The following ALDH9A1 variants were observed in gnomAD, a reference collection of about 807,000 sequenced individuals.
ALDH9A1 encodes the protein aldehyde dehydrogenase 9 family member A1.
A neutral mutation model predicts 56.6 loss-of-function variants in ALDH9A1; 42 were observed. The ratio of observed to expected loss-of-function variants is 0.74; its 90% CI spans 0.58 to 0.96. The LOEUF (loss-of-function observed/expected upper bound fraction) is 0.96, where lower values mean the gene tolerates loss of function less well. Ranked by LOEUF, ALDH9A1 falls within the 40% of genes least tolerant of loss-of-function variation. The probability of loss-of-function intolerance (pLI) is 0.00; values close to 1 mark genes in which losing one functional copy is unlikely to be tolerated. For missense variants in ALDH9A1, 661 were observed against 651.5 expected, an observed-to-expected ratio of 1.01 and a Z score of -0.16; for synonymous variants, 242 against 236.0, an observed-to-expected ratio of 1.03 and a Z score of -0.23.
intron 6 of ALDH9A1, among the ~76,000 whole-genome samples, chr1:165,675,945 G>A (rs778080887): frequency 8.5e-5 from 13 of 152,182 alleles, no homozygotes; most frequent in Non-Finnish European, 1.5e-5. Context: ...AATACTAAGT[G>A]TATTCTATGA....
intron 6 of ALDH9A1, chr1:165,676,776 C>A: frequency 2.0e-6 from 1 of 498,576 alleles, no homozygotes; most frequent in Admixed American, 2.2e-5. Flanking sequence ...CCTATGAATT[C>A]ATGGCATGAT....
intron 9 of ALDH9A1, among the ~76,000 whole-genome samples, chr1:165,666,592 G>C (rs1649016213): frequency 6.6e-6 from 1 of 152,048 alleles, no homozygotes; most frequent in African/African-American, 2.4e-5. Context: ...AATTACATCA[G>C]GTCCTCAAGT....
intron 10 of ALDH9A1, among the ~76,000 whole-genome samples, chr1:165,663,561 C>G (rs1231014065): frequency 1.3e-5 from 2 of 152,212 alleles, no homozygotes; most frequent in Non-Finnish European, 2.9e-5. Context: ...ATAAGAGCAA[C>G]CTAGTAACTT....
At chr1:165,677,192 G>A (rs1052700180) in intron 6 of ALDH9A1, among the ~76,000 whole-genome samples, 1 of 151,866 alleles carries the variant, frequency 6.6e-6, no homozygotes, top group Admixed American at 6.5e-5. Flanking sequence ...GGCCAACACA[G>A]TGAAACCCCG....
intron 1 of ALDH9A1, among the ~76,000 whole-genome samples, chr1:165,697,664 C>A (rs567155194): frequency 1.3e-5 from 2 of 152,304 alleles, no homozygotes; most frequent in East Asian, 3.9e-4. Flanking sequence ...CACAACCCCG[C>A]CCCGTTCTTT....
intron 6 of ALDH9A1, chr1:165,671,321 C>A: frequency 2.7e-6 from 1 of 370,190 alleles, no homozygotes; most frequent in South Asian, 2.1e-5. Flanking sequence ...GCTGCAGCAT[C>A]CCCACTGAAG....
chr1:165,673,453 T>C (rs1649247332), intron 6 of ALDH9A1, among the ~76,000 whole-genome samples: 2 of 152,194 alleles, frequency 1.3e-5, no homozygotes. Flanking sequence ...TTGTCCTGAA[T>C]TCTTTCTTGC....
At chr1:165,690,316 G>T (rs1649849319) in intron 2 of ALDH9A1, among the ~76,000 whole-genome samples, 1 of 151,660 alleles carries the variant, frequency 6.6e-6, no homozygotes, top group Non-Finnish European at 1.5e-5. Flanking sequence ...ATGACAAAAA[G>T]TCACCACAGA....
In ALDH9A1 at chr1:165,687,910, C is replaced by A. The variant is rs372024514; in HGVS notation, c.328-4800G>T. Among the ~76,000 whole-genome samples the A allele has an allele frequency of 1.1e-4, 17 of 152,080 alleles. No individual in the cohort carries two copies. The East Asian group carries it at 3.3e-3, about 29-fold the overall frequency. ...GGCTGAGGCAGGAGAATCACTTGAACCCGGGAGGCGGAGGTTGCAGTGAGC... is the reference window on the plus strand; with the variant it reads ...GGCTGAGGCAGGAGAATCACTTGAAACCGGGAGGCGGAGGTTGCAGTGAGC... On this transcript the variant is annotated intron_variant, in intron 2 of 10. Coordinates refer to ENST00000354775, the MANE Select transcript of ALDH9A1 (RefSeq NM_000696.4).
chr1:165,693,096 T>C (rs1649947757), intron 2 of ALDH9A1, among the ~76,000 whole-genome samples: 1 of 152,012 alleles, frequency 6.6e-6, no homozygotes, highest in Non-Finnish European at 1.5e-5. Context: ...ATGTTAGACC[T>C]AAAACCATAA....
intron 7 of ALDH9A1, 104 bp downstream of exon 7, chr1:165,669,158 T>C (rs1180766606): frequency 5.2e-6 from 7 of 1,345,994 alleles, no homozygotes; most frequent in Non-Finnish European, 7.2e-6. Context: ...AATAGTCCAA[T>C]GAATAATAGT....
chr1:165,669,945 G>A (rs1359665772), intron 6 of ALDH9A1, among the ~76,000 whole-genome samples: 2 of 152,130 alleles, frequency 1.3e-5, no homozygotes, highest in Non-Finnish European at 2.9e-5. Context: ...ACACAGAACA[G>A]AAAAGTCCAA....
At chr1:165,689,485 G>T (rs1164808861) in intron 2 of ALDH9A1, among the ~76,000 whole-genome samples, 1 of 152,168 alleles carries the variant, frequency 6.6e-6, no homozygotes. Flanking sequence ...TCTCTCCCCA[G>T]AGAAGAGGAT....
rs368159315 is a variant in ALDH9A1 at position 165,667,608 on chromosome 1, T to TG, written c.1208-159dup. On this transcript the variant is annotated intron_variant, in intron 8 of 10. Coordinates refer to ENST00000354775, the MANE Select transcript of ALDH9A1 (RefSeq NM_000696.4). ...CTCCTGCCTCAGCCTCCCAAAGTGC[T>TG]GGGGGTGTTCCACTGCACCTAGCCC... 7.2e-4 allele frequency among the ~76,000 whole-genome samples: 109 copies of TG among 152,274 alleles called. 3 individuals are homozygous for TG. The highest frequency in any genetic ancestry group is 2.4e-3 in the African/African-American group (100 of 41,554).
chr1:165,686,518 T>TTA (rs1649714303), intron 2 of ALDH9A1, among the ~76,000 whole-genome samples: 3 of 147,686 alleles, frequency 2.0e-5, no homozygotes, highest in African/African-American at 7.5e-5. Flanking sequence ...TTTTTTTTTT[T>TTA]AAAAAAAAAA....
Position 165,692,815 on chromosome 1 carries a change from T to C in ALDH9A1, c.327+2437A>G, listed in dbSNP as rs563033550. 7.8e-3 allele frequency among the ~76,000 whole-genome samples: 1,181 copies of C among 151,966 alleles called. 17 individuals are homozygous for C. Among genetic ancestry groups the C allele is most frequent in the African/African-American group, 0.027 (1,131 of 41,442 alleles). ...CATCATGCTACCTGACTTCAAACTA[T>C]ACTACAAGGCTACAGTAACCAAAAC... On this transcript the variant is annotated intron_variant, in intron 2 of 10. Transcript: ENST00000354775.
At chr1:165,674,547 G>A (rs554172195) in intron 6 of ALDH9A1, among the ~76,000 whole-genome samples, 51 of 151,752 alleles carry the variant, frequency 3.4e-4, no homozygotes, top group African/African-American at 1.1e-3. Context: ...TTAGTCAGGC[G>A]TGGTGGCACA....
chr1:165,697,059 A>G (rs1287892472), intron 1 of ALDH9A1, among the ~76,000 whole-genome samples: 2 of 152,250 alleles, frequency 1.3e-5, no homozygotes, highest in Non-Finnish European at 2.9e-5. Context: ...CAAAATATTT[A>G]CATTTTTCTC....
intron 2 of ALDH9A1, among the ~76,000 whole-genome samples, chr1:165,692,371 A>T (rs199626151): frequency 0.3 from 46,160 of 152,100 alleles, 7,250 homozygotes; most frequent in South Asian, 0.48. Context: ...CAAAGTCTCA[A>T]GATACAAAAT....
Sources: gnomAD v4.1 joint callset for allele counts (sites outside exome capture counted in the v4.1 genomes callset) on GRCh38, gnomAD v4.1.1 for gene constraint, MANE v1.5 for transcripts, NCBI Gene and HGNC (gene_info 2026-07-23, HGNC 2026-07-21) for gene names.